The following MYCBP2 variants were observed in gnomAD, a reference collection of about 807,000 sequenced individuals.
The protein encoded by MYCBP2 is MYC binding protein 2.
A neutral mutation model predicts 525.3 loss-of-function variants in MYCBP2; 120 were observed. The ratio of observed to expected loss-of-function variants is 0.23; its 90% CI spans 0.20 to 0.27. The LOEUF (loss-of-function observed/expected upper bound fraction) is 0.27, where lower values mean the gene tolerates loss of function less well. Among genes scored for constraint, MYCBP2 ranks in the 10% least tolerant of loss-of-function variants. The pLI, the probability that MYCBP2 is intolerant of heterozygous loss-of-function variation, is 1.00. For missense variants in MYCBP2, 4,149 were observed against 5,657.1 expected, an observed-to-expected ratio of 0.73 and a Z score of 8.55; for synonymous variants, 1,894 against 1,955.8, an observed-to-expected ratio of 0.97 and a Z score of 0.83.
chr13:77,072,300 G>GAAAAAAAAAAAAAAAAAA, intron 68 of MYCBP2, among the ~76,000 whole-genome samples: 1 of 121,192 alleles, frequency 8.3e-6, no homozygotes, highest in Non-Finnish European at 1.7e-5. Context: ...CAAAAAAAAA[G>GAAAAAAAAAAAAAAAAAA]AAAAAAAAAA....
intron 11 of MYCBP2, 76 bp from the exon 12 acceptor site, chr13:77,261,451 G>T: frequency 9.8e-7 from 1 of 1,015,980 alleles, no homozygotes; most frequent in South Asian, 1.8e-5. Flanking sequence ...GGAAAAAAAA[G>T]GACATCAATA....
chr13:77,289,778 G>A (rs1462292424), intron 2 of MYCBP2, among the ~76,000 whole-genome samples: 1 of 152,102 alleles, frequency 6.6e-6, no homozygotes, highest in African/African-American at 2.4e-5. Context: ...AAAAAAACAT[G>A]TAGAGAATCT....
At chr13:77,068,514 C>T (rs572785596) in intron 70 of MYCBP2, 51 bp downstream of exon 70, 1 of 1,577,008 alleles carries the variant, frequency 6.3e-7, no homozygotes, top group African/African-American at 1.4e-5. Context: ...CAACTTTTAA[C>T]AATGTTTCAA....
At chr13:77,201,371 A>G (rs1443566015) in intron 26 of MYCBP2, among the ~76,000 whole-genome samples, 2 of 150,844 alleles carry the variant, frequency 1.3e-5, no homozygotes, top group Admixed American at 6.6e-5. Context: ...CACCCAATAC[A>G]GGAGCACCCA....
At chr13:77,164,401 T>TACAAA (rs2058300881) in intron 43 of MYCBP2, 53 bp downstream of exon 43, 1 of 1,249,546 alleles carries the variant, frequency 8.0e-7, no homozygotes. Flanking sequence ...TTATAATACA[T>TACAAA]ACAAAACAAA....
chr13:77,227,905 A>C (rs890680005), intron 18 of MYCBP2, among the ~76,000 whole-genome samples: 5 of 152,310 alleles, frequency 3.3e-5, no homozygotes, highest in Admixed American at 6.5e-5. Flanking sequence ...GGTCAAAATA[A>C]TACTAGAAAC....
Position 77,185,979 on chromosome 13 carries a change from C to G in MYCBP2, c.4336G>C (p.Gly1446Arg). 1.2e-6 allele frequency: 2 copies of G among 1,613,654 alleles called. No homozygotes were observed. The highest frequency in any genetic ancestry group is 4.5e-5 in the East Asian group (2 of 44,866). ...LGVEELRGLK[G>R]FQFTATLLDL... ...AGGAGTGTAGCTGTGAACTGGAATC[C>G]TTTTAATCCTCTAAGTTCTTCAACT... Residue 1446 changes from glycine (G) to arginine (R), a missense_variant, in exon 31 of 83, where the codon GGA becomes CGA. Transcript: ENST00000544440.
At chr13:77,166,824 G>T (rs1471376199) in intron 40 of MYCBP2, among the ~76,000 whole-genome samples, 2 of 152,012 alleles carry the variant, frequency 1.3e-5, no homozygotes, top group African/African-American at 2.4e-5. Context: ...AATTTAAAAA[G>T]CAATTCCTAA....
intron 4 of MYCBP2, among the ~76,000 whole-genome samples, chr13:77,274,117 C>A (rs1248147448): frequency 6.6e-6 from 1 of 152,098 alleles, no homozygotes; most frequent in Non-Finnish European, 1.5e-5. Flanking sequence ...TTGGCTATAT[C>A]ATTAACATAA....
chr13:77,140,213 A>T (rs928718279), intron 50 of MYCBP2, 50 bp from the exon 51 acceptor site: 1 of 1,164,100 alleles, frequency 8.6e-7, no homozygotes, highest in African/African-American at 1.5e-5. Context: ...TAGAATAGAG[A>T]TCTTACAAGT....
At position 77,181,793 on chromosome 13, in the gene MYCBP2, G is replaced by A; in HGVS notation, c.4849C>T (p.Arg1617Ter). ...PIAYDGEVLL[R>*]SIVKQVSTEN... ...GTACTAACTTGTTTAACAATTGATC[G>A]TAGTAATACTTCTCCATCATACGCA... The change falls in exon 33 of 83, where the codon CGA (arginine) becomes TGA (stop). Residue 1617 changes from arginine (R) to a stop codon, truncating the protein, a stop_gained. Transcript: ENST00000544440. LOFTEE classifies it high-confidence loss of function. 2 of 1,614,056 alleles carry A rather than the reference G, an allele frequency of 1.2e-6. No homozygotes were observed. The highest frequency in any genetic ancestry group is 1.7e-6 in the Non-Finnish European group (2 of 1,179,974).
At chr13:77,128,682 A>G (rs1196870835) in intron 52 of MYCBP2, among the ~76,000 whole-genome samples, 1 of 152,022 alleles carries the variant, frequency 6.6e-6, no homozygotes. Flanking sequence ...ATGCTCAAGC[A>G]ATAGTAAAAT....
intron 1 of MYCBP2, among the ~76,000 whole-genome samples, chr13:77,297,761 A>G (rs1038650444): frequency 1.3e-5 from 2 of 152,248 alleles, no homozygotes; most frequent in East Asian, 1.9e-4. Flanking sequence ...TATCCTTGAC[A>G]TTGCCTTCAG....
intron 26 of MYCBP2, among the ~76,000 whole-genome samples, chr13:77,194,728 G>T (rs1290563751): frequency 3.9e-5 from 6 of 152,014 alleles, no homozygotes; most frequent in Non-Finnish European, 7.4e-5. Context: ...CTTTTAAAAA[G>T]TAAGTGAATA....
At chr13:77,215,264 A>G (rs1415623186) in intron 21 of MYCBP2, among the ~76,000 whole-genome samples, 1 of 152,136 alleles carries the variant, frequency 6.6e-6, no homozygotes, top group Admixed American at 6.6e-5. Context: ...AGGAATCACA[A>G]TTTCCACTGA....
intron 17 of MYCBP2, among the ~76,000 whole-genome samples, chr13:77,237,859 A>C (rs960249291): frequency 6.6e-6 from 1 of 152,178 alleles, no homozygotes; most frequent in Non-Finnish European, 1.5e-5. Context: ...TTAATTTAAA[A>C]AGAGACTTTT....
chr13:77,124,041 C>T (rs1410318248), intron 54 of MYCBP2, among the ~76,000 whole-genome samples: 1 of 152,022 alleles, frequency 6.6e-6, no homozygotes, highest in Non-Finnish European at 1.5e-5. Context: ...TCATCTTAGA[C>T]TAAAAAAAGT....
At chr13:77,155,955 G>C in intron 46 of MYCBP2, 103 bp downstream of exon 46, 2 of 1,051,118 alleles carry the variant, frequency 1.9e-6, no homozygotes, top group Non-Finnish European at 2.7e-6. Context: ...TTTATATAAA[G>C]AGGGTAGAAC....
chr13:77,235,347 A>T (rs2067753880), intron 17 of MYCBP2, among the ~76,000 whole-genome samples: 1 of 152,080 alleles, frequency 6.6e-6, no homozygotes, highest in Admixed American at 6.6e-5. Flanking sequence ...AGAGAAAAGG[A>T]AAGGAAGAGA....
Sources: gnomAD v4.1 joint callset for allele counts (sites outside exome capture counted in the v4.1 genomes callset) on GRCh38, gnomAD v4.1.1 for gene constraint, MANE v1.5 for transcripts, NCBI Gene and HGNC (gene_info 2026-07-23, HGNC 2026-07-21) for gene names.